TMEM231: variants seen among roughly 807,000 people sequenced by gnomAD.
The protein encoded by TMEM231 is transmembrane protein 231.
A neutral mutation model predicts 38.5 loss-of-function variants in TMEM231; 40 were observed. That is an observed-to-expected ratio of 1.04 (90% CI 0.81 to 1.35). The LOEUF is 1.35. TMEM231 is among the 40% of genes most tolerant of loss of function. The pLI is 0.00. For synonymous variants in TMEM231, 199 were observed against 181.7 expected, an observed-to-expected ratio of 1.10 and a Z score of -0.77; for missense variants, 420 against 416.9, an observed-to-expected ratio of 1.01 and a Z score of -0.07.
rs2080593327 is a variant in TMEM231, at chr16:75,539,281, AG to A, written c.*712del. The A allele has an allele frequency of 6.6e-6, 1 of 152,320 alleles. No individual in the cohort carries two copies. Among genetic ancestry groups the A allele is most frequent in the South Asian group, 2.1e-4 (1 of 4,832 alleles). 9.4% of individuals were successfully genotyped at this position (152,320 alleles called of 1,614,324 possible). A position where few individuals can be genotyped will look rare whatever the true frequency, so the allele number is the denominator to read the frequency against. ...CCCCTCTGACTTCAGCCTGCCATCC[AG>A]GGGCACAGACAGAGGGAAAAATAGG... On this transcript the variant is annotated 3_prime_UTR_variant, in exon 7 of 7. Coordinates refer to ENST00000258173, the MANE Select transcript of TMEM231 (RefSeq NM_001077418.3).
chr16:75,553,463 C>A (rs1208728680), intron 2 of TMEM231, among the ~76,000 whole-genome samples: 1 of 151,156 alleles, frequency 6.6e-6, no homozygotes, highest in Non-Finnish European at 1.5e-5. Flanking sequence ...CACTAAAAAA[C>A]ACAAAAAAGT....
intron 4 of TMEM231, among the ~76,000 whole-genome samples, chr16:75,545,058 C>A (rs2080670057): frequency 1.4e-5 from 2 of 142,266 alleles, no homozygotes; most frequent in Non-Finnish European, 1.5e-5. Flanking sequence ...TGGGTTCAAG[C>A]AATTCTCCTG....
At chr16:75,549,657 T>G (rs2080732908) in intron 2 of TMEM231, among the ~76,000 whole-genome samples, 1 of 152,160 alleles carries the variant, frequency 6.6e-6, no homozygotes, top group Admixed American at 6.5e-5. Context: ...GGATAACCCT[T>G]TAGAGATACA....
chr16:75,545,568 T>C, intron 3 of TMEM231, 73 bp from the exon 4 acceptor site: 5 of 1,149,014 alleles, frequency 4.4e-6, no homozygotes, highest in Non-Finnish European at 6.0e-6. Flanking sequence ...AAGAGTCACC[T>C]GTCTTGGCTG....
chr16:75,543,369 C>G (rs2080649388), intron 4 of TMEM231, among the ~76,000 whole-genome samples: 1 of 152,188 alleles, frequency 6.6e-6, no homozygotes, highest in Admixed American at 6.5e-5. Context: ...GAGTTCGAGA[C>G]CAGTCTGGCC....
chr16:75,556,132 G>T lies in TMEM231; in HGVS notation c.78C>A (p.Phe26Leu). 1 of 1,579,242 alleles carries T rather than the reference G, an allele frequency of 6.3e-7. No homozygotes were observed. The highest frequency in any genetic ancestry group is 1.2e-5 in the South Asian group (1 of 86,548). The change falls in exon 1 of 7, where the codon TTC becomes TTA. Residue 26 changes from phenylalanine to leucine, a missense_variant. By Grantham distance (22) the Phe-to-Leu change is conservative. Transcript: ENST00000258173. ...ACGTGAGCGCAGCGGCCAGCAGCAG[G>T]AACAGCGCGGCTTTGGAGCAGAGCC... ...RAGLCSKAAL[F>L]LLLAAALTYI...
At chr16:75,542,292 G>C (rs415387) in intron 5 of TMEM231, among the ~76,000 whole-genome samples, 460 of 147,284 alleles carry the variant, frequency 3.1e-3, no homozygotes, top group African/African-American at 4.3e-3. Context: ...GATAGGTGTG[G>C]TATGGGGAAC....
chr16:75,546,313 TTAAGTAGC>T (rs1244874895), intron 2 of TMEM231, among the ~76,000 whole-genome samples: 2 of 152,226 alleles, frequency 1.3e-5, no homozygotes, highest in African/African-American at 4.8e-5. Context: ...TATGGAAATT[TTAAGTAGC>T]ATGTCAGAAT....
chr16:75,542,356 G>A (rs2080636836), intron 5 of TMEM231, among the ~76,000 whole-genome samples: 1 of 151,224 alleles, frequency 6.6e-6, no homozygotes, highest in Non-Finnish European at 1.5e-5. Context: ...CCAGTGGTGG[G>A]ATAATGATGG....
At chr16:75,543,240 A>C (rs7189782) in intron 4 of TMEM231, among the ~76,000 whole-genome samples, 11,664 of 151,906 alleles carry the variant, frequency 0.077, 1,508 homozygotes, top group African/African-American at 0.27. Context: ...GAAACAGAGA[A>C]AGACTTCATC....
chr16:75,554,550 A>AC (rs2080791400), intron 2 of TMEM231, among the ~76,000 whole-genome samples: 8 of 147,460 alleles, frequency 5.4e-5, no homozygotes, highest in African/African-American at 1.9e-4. Flanking sequence ...TGTCTCAAAA[A>AC]AAAAAAAAAA....
At chr16:75,549,028 C>T (rs977106944) in intron 2 of TMEM231, among the ~76,000 whole-genome samples, 4 of 151,970 alleles carry the variant, frequency 2.6e-5, no homozygotes, top group South Asian at 2.1e-4. Context: ...TCTGGGTACC[C>T]GTGGGATCAA....
rs377684156 is a variant in TMEM231, at chr16:75,537,995, C to T, written c.*1999G>A. Reference sequence around the variant, plus strand: ...AAAGACCTCATGGAAGTTCCAAGGTCGTTAGGCAGAGCCTTGTAAAGCATG... The same window carrying T: ...AAAGACCTCATGGAAGTTCCAAGGTTGTTAGGCAGAGCCTTGTAAAGCATG... On this transcript the variant is annotated 3_prime_UTR_variant, in exon 7 of 7. Coordinates refer to ENST00000258173, the MANE Select transcript of TMEM231 (RefSeq NM_001077418.3). 1.3e-5 allele frequency: 2 copies of T among 152,210 alleles called. No individual in the cohort carries two copies. The highest frequency in any genetic ancestry group is 2.4e-5 in the African/African-American group (1 of 41,458). 9.4% of individuals were successfully genotyped at this position (152,210 alleles called of 1,614,324 possible). A position where few individuals can be genotyped will look rare whatever the true frequency, so the allele number is the denominator to read the frequency against.
chr16:75,546,544 G>A (rs189286122), intron 2 of TMEM231, among the ~76,000 whole-genome samples: 1 of 152,076 alleles, frequency 6.6e-6, no homozygotes, highest in Non-Finnish European at 1.5e-5. Flanking sequence ...CCAGGGTCAA[G>A]GAATTGTCCT....
At position 75,545,254 on chromosome 16, in the gene TMEM231, C is replaced by T. The variant is rs2080673530; in HGVS notation, c.582+98G>A. On this transcript the variant is annotated intron_variant, in intron 4 of 6. Transcript: ENST00000258173. ...GGATTACAGGTATGAGCCACTGCGCCTGGCCTGACATTTCTACTTTTCATT... is the reference window on the plus strand; with the variant it reads ...GGATTACAGGTATGAGCCACTGCGCTTGGCCTGACATTTCTACTTTTCATT... 2.0e-6 allele frequency: 3 copies of T among 1,508,350 alleles called. No homozygotes were observed. The African/African-American group carries it at 4.2e-5, about 21-fold the overall frequency. The allele number at this position is 1,508,350 out of a possible 1,614,324, so 93.4% of individuals were successfully genotyped here.
At chr16:75,545,793 G>A (rs2080682483) in intron 3 of TMEM231, 33 bp downstream of exon 3, 3 of 911,472 alleles carry the variant, frequency 3.3e-6, no homozygotes, top group Non-Finnish European at 4.7e-6. Context: ...AAAGACACAA[G>A]GGAGAGGACA....
intron 2 of TMEM231, among the ~76,000 whole-genome samples, chr16:75,551,828 G>A (rs1348867612): frequency 6.6e-6 from 1 of 151,984 alleles, no homozygotes; most frequent in Non-Finnish European, 1.5e-5. Flanking sequence ...CGGCCGTGGT[G>A]GTGCCTGCCT....
chr16:75,545,825 C>A lies in TMEM231; in HGVS notation c.438+1G>T. ...GACAGCCTCCCAGCGGACTGACTCACGTGTAATCGATAGGAGAAAGTCAGG... is the reference window on the plus strand; with the variant it reads ...GACAGCCTCCCAGCGGACTGACTCAAGTGTAATCGATAGGAGAAAGTCAGG... On this transcript the variant is annotated splice_donor_variant, in intron 3 of 6. Coordinates refer to ENST00000258173, the MANE Select transcript of TMEM231 (RefSeq NM_001077418.3). LOFTEE classifies it high-confidence loss of function. 2 of 1,191,758 alleles carry A rather than the reference C, an allele frequency of 1.7e-6. No individual in the cohort carries two copies. The highest frequency in any genetic ancestry group is 1.1e-6 in the Non-Finnish European group (1 of 870,052). The allele number at this position is 1,191,758 out of a possible 1,614,324, so 73.8% of individuals were successfully genotyped here. A position where few individuals can be genotyped will look rare whatever the true frequency, so the allele number is the denominator to read the frequency against.
At position 75,537,511 on chromosome 16, in the gene TMEM231, G is replaced by T. The variant is rs367639515; in HGVS notation, c.*2483C>A. On this transcript the variant is annotated 3_prime_UTR_variant, in exon 7 of 7. Coordinates refer to ENST00000258173, the MANE Select transcript of TMEM231 (RefSeq NM_001077418.3). ...TTCTTTTTTTTTTTTTTTTTGAGAC[G>T]GAGTCTAGCTCTGTTGCCAGGCTGG... 1.4e-5 allele frequency: 2 copies of T among 145,612 alleles called. No homozygotes were observed. The highest frequency in any genetic ancestry group is 5.1e-5 in the African/African-American group (2 of 38,992). 9.0% of individuals were successfully genotyped at this position (145,612 alleles called of 1,614,324 possible).
Sources: gnomAD v4.1 joint callset for allele counts (sites outside exome capture counted in the v4.1 genomes callset) on GRCh38, gnomAD v4.1.1 for gene constraint, MANE v1.5 for transcripts, NCBI Gene and HGNC (gene_info 2026-07-23, HGNC 2026-07-21) for gene names.